CKAP5: variants seen among roughly 807,000 people sequenced by gnomAD.
CKAP5 encodes cytoskeleton-associated protein 5.
Under a neutral mutation model 232.8 loss-of-function variants are expected in CKAP5, and 27 were observed. The ratio of observed to expected loss-of-function variants is 0.12; its 90% CI spans 0.09 to 0.16. The LOEUF is 0.16. CKAP5 is among the 10% of genes least tolerant of loss of function. The pLI is 1.00. For missense variants in CKAP5, 1,838 were observed against 2,424.7 expected (o/e 0.76, Z 5.08); for synonymous variants, 785 against 841.1 (o/e 0.93, Z 1.16).
At chr11:46,807,917 C>T in intron 8 of CKAP5, 114 bp downstream of exon 8, 1 of 639,220 alleles carries the variant, frequency 1.6e-6, no homozygotes, top group Non-Finnish European at 2.7e-6. Flanking sequence ...AATTCAAATA[C>T]CATCAGTAAT....
chr11:46,796,692 A>T lies in CKAP5; in HGVS notation c.1467+120T>A, dbSNP rs979672511. The T allele has an allele frequency of 1.5e-5, 17 of 1,110,332 alleles. No homozygotes were observed. In the East Asian group the frequency reaches 3.3e-4, roughly 22 times the overall value. 68.8% of individuals were successfully genotyped at this position (1,110,332 alleles called of 1,614,324 possible). On this transcript the variant is annotated intron_variant, in intron 12 of 43. Coordinates refer to ENST00000529230, the MANE Select transcript of CKAP5 (RefSeq NM_001008938.4). ...TCTTTCCTACTATAAATGGCAATTT[A>T]AAAAAAATCAAGAACTCCTCATCAA...
chr11:46,775,446 C>A (rs972269578), intron 24 of CKAP5, among the ~76,000 whole-genome samples: 2 of 152,206 alleles, frequency 1.3e-5, no homozygotes, highest in Non-Finnish European at 2.9e-5. Context: ...CTAGAAATAC[C>A]ATTTGACCCA....
At chr11:46,771,334 C>A (rs894146160) in intron 24 of CKAP5, among the ~76,000 whole-genome samples, 2 of 152,206 alleles carry the variant, frequency 1.3e-5, no homozygotes, top group Non-Finnish European at 2.9e-5. Context: ...CAGAAGGTTA[C>A]AAATTTTACC....
chr11:46,763,778 G>C, intron 28 of CKAP5, 148 bp from the exon 29 acceptor site: 1 of 518,094 alleles, frequency 1.9e-6, no homozygotes, highest in South Asian at 6.2e-5. Flanking sequence ...AAATTTCAAG[G>C]TGTCATACTT....
intron 36 of CKAP5, 124 bp downstream of exon 36, chr11:46,754,764 A>G (rs1162227925): frequency 4.0e-5 from 30 of 741,382 alleles, no homozygotes; most frequent in Non-Finnish European, 6.2e-5. Flanking sequence ...TGCTATATAC[A>G]ATGCATGTAA....
chr11:46,751,161 C>A lies in CKAP5; in HGVS notation c.5417G>T (p.Gly1806Val). 2 of 1,614,166 alleles carry A rather than the reference C, an allele frequency of 1.2e-6. No homozygotes were observed. The highest frequency in any genetic ancestry group is 1.7e-6 in the Non-Finnish European group (2 of 1,180,030). The change falls in exon 40 of 44, where the codon GGG (glycine) becomes GTG (valine). Residue 1806 changes from glycine (G) to valine (V), a missense_variant. Coordinates refer to ENST00000529230, the MANE Select transcript of CKAP5 (RefSeq NM_001008938.4). Reference sequence around the variant, plus strand: ...TTCTGTTTCCTTATCAGACTTGCTCCCAGTCTGGTCCATACTGTGCTTCAT... The same window carrying A: ...TTCTGTTTCCTTATCAGACTTGCTCACAGTCTGGTCCATACTGTGCTTCAT... ...RMMKHSMDQT[G>V]SKSDKETEKG...
intron 14 of CKAP5, 71 bp from the exon 15 acceptor site, chr11:46,790,257 T>C: frequency 9.4e-7 from 1 of 1,069,008 alleles, no homozygotes; most frequent in Non-Finnish European, 1.4e-6. Flanking sequence ...GTAAACATAC[T>C]CCAGCCAAAA....
chr11:46,821,524 AC>A (rs1384362704), intron 1 of CKAP5, among the ~76,000 whole-genome samples: 8 of 143,712 alleles, frequency 5.6e-5, no homozygotes, highest in African/African-American at 2.1e-4. Context: ...TCCTGGGCTG[AC>A]GCCATTCTCC....
chr11:46,838,316 G>A (rs117103154), intron 1 of CKAP5, among the ~76,000 whole-genome samples: 8 of 152,048 alleles, frequency 5.3e-5, no homozygotes, highest in Admixed American at 4.6e-4. Context: ...GACTAATTGA[G>A]ACTGTTAAGA....
intron 24 of CKAP5, among the ~76,000 whole-genome samples, chr11:46,774,742 G>A (rs2065277693): frequency 6.6e-6 from 1 of 152,128 alleles, no homozygotes; most frequent in South Asian, 2.1e-4. Context: ...AATGGGGAAA[G>A]GATTCACTAT....
At chr11:46,747,430 C>T (rs1419910527) in intron 42 of CKAP5, among the ~76,000 whole-genome samples, 1 of 150,620 alleles carries the variant, frequency 6.6e-6, no homozygotes, top group Non-Finnish European at 1.5e-5. Context: ...GGTGAAACCC[C>T]GCCTCTACTA....
chr11:46,809,360 T>C (rs768194574), intron 7 of CKAP5, 40 bp downstream of exon 7: 2 of 1,316,012 alleles, frequency 1.5e-6, no homozygotes, highest in African/African-American at 1.5e-5. Flanking sequence ...AAGTAATTAT[T>C]TTACAAGAAA....
At chr11:46,811,310 C>A in intron 4 of CKAP5, 132 bp from the exon 5 acceptor site, 1 of 717,402 alleles carries the variant, frequency 1.4e-6, no homozygotes, top group South Asian at 2.3e-5. Context: ...TTTTTTAAGG[C>A]AACAAAAGAA....
chr11:46,815,983 C>A (rs1488417612), intron 4 of CKAP5, among the ~76,000 whole-genome samples: 1 of 152,050 alleles, frequency 6.6e-6, no homozygotes, highest in Non-Finnish European at 1.5e-5. Flanking sequence ...CATTAAGGTT[C>A]TCATACGAGT....
At chr11:46,778,101 G>A in intron 22 of CKAP5, 38 bp downstream of exon 22, 2 of 1,557,126 alleles carry the variant, frequency 1.3e-6, no homozygotes, top group South Asian at 1.2e-5. Flanking sequence ...CAGCAGTGGG[G>A]AGGGGAGATA....
chr11:46,750,344 G>A lies in CKAP5; in HGVS notation c.5634C>T (p.Ser1878=). Residue 1878 remains serine, a synonymous_variant, in exon 42 of 44, where the codon AGC becomes AGT. Coordinates refer to ENST00000529230, the MANE Select transcript of CKAP5 (RefSeq NM_001008938.4). ...FLKNSSQFFQ[S]YVERGLRVIE... is the part of the protein sequence containing the mutation. ...TCACCCGAAGGCCTCTTTCGACATA[G>A]CTCTGGAAGAACTGTGAGGAATTTT... is the stretch of plus-strand genomic sequence containing the variant. 6.2e-7 allele frequency: 1 copy of A among 1,614,084 alleles called. No individual in the cohort carries two copies. The highest frequency in any genetic ancestry group is 8.5e-7 in the Non-Finnish European group (1 of 1,179,980).
chr11:46,751,021 G>T, intron 40 of CKAP5, 97 bp downstream of exon 40: 1 of 1,442,170 alleles, frequency 6.9e-7, no homozygotes, highest in Non-Finnish European at 9.6e-7. Flanking sequence ...CCTTCACCTT[G>T]GACCTTCGGA....
In CKAP5 at chr11:46,801,396, G is replaced by A. The variant is rs1274963562; in HGVS notation, c.979-92C>T. On this transcript the variant is annotated intron_variant, in intron 8 of 43. Coordinates refer to ENST00000529230, the MANE Select transcript of CKAP5 (RefSeq NM_001008938.4). ...TCTCAAAAGAACTCTGAGGCCGGGT[G>A]CAGCGGCTCACACCTGTAATCCCAG... is the stretch of plus-strand genomic sequence containing the variant. 5 of 951,340 alleles carry A rather than the reference G, an allele frequency of 5.3e-6. No individual in the cohort carries two copies. In the Admixed American group the frequency reaches 7.8e-5, roughly 15 times the overall value. The allele number at this position is 951,340 out of a possible 1,614,324, so 58.9% of individuals were successfully genotyped here.
chr11:46,834,147 A>G (rs530532891), intron 1 of CKAP5, among the ~76,000 whole-genome samples: 7 of 152,310 alleles, frequency 4.6e-5, no homozygotes, highest in Non-Finnish European at 1.0e-4. Context: ...CATTATAAGC[A>G]TCATCCCAGT....
Sources: gnomAD v4.1 joint callset for allele counts (sites outside exome capture counted in the v4.1 genomes callset) on GRCh38, gnomAD v4.1.1 for gene constraint, MANE v1.5 for transcripts, NCBI Gene and HGNC (gene_info 2026-07-23, HGNC 2026-07-21) for gene names.